The following RANBP2 variants were observed in gnomAD, a reference collection of about 807,000 sequenced individuals.
RANBP2 encodes the protein RAN binding protein 2.
Under a neutral mutation model 303.6 loss-of-function variants are expected in RANBP2, and 57 were observed. That is an observed-to-expected ratio of 0.19 (90% CI 0.15 to 0.23). The LOEUF is 0.23. Ranked by LOEUF, RANBP2 falls within the 10% of genes least tolerant of loss-of-function variation. The pLI, the probability that RANBP2 is intolerant of heterozygous loss-of-function variation, is 1.00. For synonymous variants in RANBP2, 1,167 were observed against 1,301.5 expected (o/e 0.90, Z 2.23); for missense variants, 3,138 against 3,780.8 (o/e 0.83, Z 4.46).
At chr2:109,079,145 G>T in the RANBP2 span, among the ~76,000 whole-genome samples, 1 of 152,026 alleles carries the variant, frequency 6.6e-6, no homozygotes, top group South Asian at 2.1e-4. Context: ...CTGCCAGCAA[G>T]GCCAACCCCT....
the RANBP2 span, among the ~76,000 whole-genome samples, chr2:109,689,001 G>C: frequency 1.3e-5 from 2 of 150,818 alleles, no homozygotes; most frequent in African/African-American, 4.9e-5. Flanking sequence ...CTGCCTTCTG[G>C]GTTTAAGCGA....
chr2:108,745,523 G>T (rs1696433265), intron 7 of RANBP2, among the ~76,000 whole-genome samples: 1 of 149,714 alleles, frequency 6.7e-6, no homozygotes, highest in South Asian at 2.1e-4. Flanking sequence ...TTCTTTTGAT[G>T]ATTTCTTTTA....
the RANBP2 span, among the ~76,000 whole-genome samples, chr2:109,237,342 C>T: frequency 4.6e-5 from 7 of 151,708 alleles, no homozygotes; most frequent in Non-Finnish European, 1.0e-4. Flanking sequence ...AAGAGGTACA[C>T]ATTGAAAAAA....
chr2:109,059,922 TGTC>T, the RANBP2 span, among the ~76,000 whole-genome samples: 1 of 152,120 alleles, frequency 6.6e-6, no homozygotes, highest in African/African-American at 2.4e-5. Context: ...TGAGTGTGGT[TGTC>T]GTATCCTAAC....
the RANBP2 span, among the ~76,000 whole-genome samples, chr2:109,467,477 A>C: frequency 0.04 from 6,152 of 152,288 alleles, 237 homozygotes; most frequent in African/African-American, 0.096. Flanking sequence ...TGGGGACTGG[A>C]AGAAGCCCTG....
the RANBP2 span, among the ~76,000 whole-genome samples, chr2:109,354,707 G>T: frequency 1.3e-5 from 2 of 152,256 alleles, 1 homozygote; most frequent in Admixed American, 1.3e-4. Flanking sequence ...ATCCTAAAGG[G>T]ACAGGGAAGG....
At chr2:108,957,721 G>T in the RANBP2 span, among the ~76,000 whole-genome samples, 1,050 of 152,350 alleles carry the variant, frequency 6.9e-3, 10 homozygotes, top group African/African-American at 0.023. Flanking sequence ...GAGGCTAGTG[G>T]AGGTGAGAAG....
the RANBP2 span, among the ~76,000 whole-genome samples, chr2:109,184,306 A>G: frequency 6.6e-6 from 1 of 152,332 alleles, no homozygotes; most frequent in Non-Finnish European, 1.5e-5. Flanking sequence ...CAAATGACCA[A>G]GTTCATATCC....
At chr2:109,000,598 C>A in the RANBP2 span, among the ~76,000 whole-genome samples, 1 of 152,114 alleles carries the variant, frequency 6.6e-6, no homozygotes, top group East Asian at 1.9e-4. Flanking sequence ...TTAAAGCATG[C>A]AACAGGTCAA....
chr2:109,679,832 T>G, the RANBP2 span, among the ~76,000 whole-genome samples: 1 of 152,158 alleles, frequency 6.6e-6, no homozygotes, highest in East Asian at 1.9e-4. Flanking sequence ...AGCTCACAAT[T>G]CAAGTTTGAG....
chr2:109,195,842 C>T, the RANBP2 span, among the ~76,000 whole-genome samples: 3 of 152,292 alleles, frequency 2.0e-5, no homozygotes, highest in East Asian at 5.8e-4. Flanking sequence ...CGCCTGATCC[C>T]GGCATGGAGT....
chr2:108,775,095 C>T (rs1677783157), intron 23 of RANBP2, among the ~76,000 whole-genome samples: 1 of 152,146 alleles, frequency 6.6e-6, no homozygotes, highest in African/African-American at 2.4e-5. Context: ...CACTTCCTAG[C>T]TGCAACTGGC....
intron 9 of RANBP2, among the ~76,000 whole-genome samples, chr2:108,750,903 A>G (rs1412538234): frequency 3.9e-5 from 6 of 152,176 alleles, no homozygotes; most frequent in Non-Finnish European, 5.9e-5. Context: ...GTGGTGTTCC[A>G]TTGCTTTAAT....
At chr2:109,263,700 C>T in the RANBP2 span, among the ~76,000 whole-genome samples, 1 of 152,200 alleles carries the variant, frequency 6.6e-6, no homozygotes, top group Non-Finnish European at 1.5e-5. Flanking sequence ...GGTGCGGTGG[C>T]TCACGCCTGT....
chr2:109,680,936 T>A, the RANBP2 span, among the ~76,000 whole-genome samples: 3 of 152,188 alleles, frequency 2.0e-5, no homozygotes, highest in Admixed American at 1.3e-4. Flanking sequence ...AGTTAAACAT[T>A]CACCCACACT....
the RANBP2 span, among the ~76,000 whole-genome samples, chr2:109,494,204 G>A: frequency 5.9e-4 from 90 of 152,156 alleles, no homozygotes; most frequent in African/African-American, 2.0e-3. Context: ...AAAGTCATGG[G>A]CATCTCTGAT....
the RANBP2 span, among the ~76,000 whole-genome samples, chr2:109,520,598 CAAAAAAA>C: frequency 2.8e-4 from 14 of 50,108 alleles, 1 homozygote; most frequent in Non-Finnish European, 4.8e-4. Flanking sequence ...GACTCCATCT[CAAAAAAA>C]AAAAAAAAAA....
the RANBP2 span, among the ~76,000 whole-genome samples, chr2:108,867,591 A>G: frequency 1.3e-5 from 2 of 152,262 alleles, no homozygotes; most frequent in East Asian, 1.9e-4. Flanking sequence ...TCTTGAGTGC[A>G]TTTCACACCA....
chr2:108,939,775 G>C, the RANBP2 span, among the ~76,000 whole-genome samples: 2 of 152,136 alleles, frequency 1.3e-5, no homozygotes, highest in Admixed American at 6.5e-5. Context: ...CTCAGCTCTT[G>C]TCCTCATTTC....
Sources: allele counts gnomAD v4.1 joint callset (sites outside exome capture counted in the v4.1 genomes callset), GRCh38; gene constraint gnomAD v4.1.1; transcripts MANE v1.5; gene names NCBI Gene and HGNC (gene_info 2026-07-23, HGNC 2026-07-21).